The following LRMDA variants were observed in gnomAD, a reference collection of about 807,000 sequenced individuals.
LRMDA encodes the protein leucine-rich melanocyte differentiation-associated protein.
Under a neutral mutation model 29.8 loss-of-function variants are expected in LRMDA, and 18 were observed. The observed-to-expected ratio is 0.60, with a 90% CI of 0.42 to 0.90. LRMDA has a LOEUF of 0.90. Ranked by LOEUF, LRMDA falls within the 40% of genes least tolerant of loss-of-function variation. The pLI is 0.00. For missense variants in LRMDA, 273 were observed against 273.9 expected, an observed-to-expected ratio of 1.00 and a Z score of 0.02; for synonymous variants, 125 against 109.4, an observed-to-expected ratio of 1.14 and a Z score of -0.89.
At chr10:76,250,674 T>C (rs1184566850) in intron 5 of LRMDA, among the ~76,000 whole-genome samples, 1 of 152,194 alleles carries the variant, frequency 6.6e-6, no homozygotes, top group Non-Finnish European at 1.5e-5. Context: ...TTGAATTTGG[T>C]TTCCCCCTTA....
At chr10:76,479,170 C>T (rs1425779453) in intron 6 of LRMDA, among the ~76,000 whole-genome samples, 4 of 151,760 alleles carry the variant, frequency 2.6e-5, no homozygotes, top group African/African-American at 9.7e-5. Context: ...TGGATGCAAT[C>T]CTATATTTGC....
chr10:76,302,370 T>C (rs1447968973), intron 5 of LRMDA, among the ~76,000 whole-genome samples: 1 of 151,860 alleles, frequency 6.6e-6, no homozygotes, highest in Admixed American at 6.6e-5. Context: ...CCCTGGGGGG[T>C]GGTAAGGAGA....
chr10:76,079,570 A>C (rs189612401), intron 5 of LRMDA, among the ~76,000 whole-genome samples: 6 of 152,210 alleles, frequency 3.9e-5, no homozygotes, highest in Non-Finnish European at 8.8e-5. Context: ...CCCACATTAG[A>C]TGGATACCAG....
At chr10:76,265,084 A>G (rs182342485) in intron 5 of LRMDA, among the ~76,000 whole-genome samples, 2 of 152,280 alleles carry the variant, frequency 1.3e-5, no homozygotes, top group East Asian at 1.9e-4. Flanking sequence ...CGAAACTTAT[A>G]TTTGATCCCC....
At chr10:76,249,724 T>A (rs1852439001) in intron 5 of LRMDA, among the ~76,000 whole-genome samples, 1 of 152,238 alleles carries the variant, frequency 6.6e-6, no homozygotes, top group Non-Finnish European at 1.5e-5. Flanking sequence ...TCCAGGTAGA[T>A]CGACTAAAAT....
intron 5 of LRMDA, among the ~76,000 whole-genome samples, chr10:76,081,157 A>G (rs997564870): frequency 5.3e-5 from 8 of 152,198 alleles, no homozygotes; most frequent in African/African-American, 1.2e-4. Context: ...CAGTAGTCAC[A>G]CTTACCACTT....
chr10:76,361,753 C>G lies in LRMDA; in HGVS notation c.601+37268C>G, dbSNP rs544091750. ...AGATGAAGAGATATGTGCCAGAAAC[C>G]TAGAAAATTTAACACTGATGAGGTT... On this transcript the variant is annotated intron_variant, in intron 6 of 6. Coordinates refer to ENST00000611255, the MANE Select transcript of LRMDA (RefSeq NM_001305581.2). 2.6e-5 allele frequency among the ~76,000 whole-genome samples: 4 copies of G among 152,158 alleles called. No individual in the cohort carries two copies. The South Asian group carries it at 8.3e-4, about 32-fold the overall frequency.
chr10:76,436,494 G>A (rs553337392), intron 6 of LRMDA, among the ~76,000 whole-genome samples: 11 of 152,252 alleles, frequency 7.2e-5, no homozygotes, highest in Middle Eastern at 6.8e-3. Context: ...CCTTCTCTAC[G>A]GGTTTCAAAG....
intron 6 of LRMDA, among the ~76,000 whole-genome samples, chr10:76,405,527 A>G (rs925757335): frequency 6.6e-6 from 1 of 152,168 alleles, no homozygotes; most frequent in Non-Finnish European, 1.5e-5. Context: ...TCATTATTTT[A>G]ACCCAAGTAG....
intron 5 of LRMDA, among the ~76,000 whole-genome samples, chr10:76,284,993 T>C (rs1427621351): frequency 6.6e-6 from 1 of 152,150 alleles, no homozygotes; most frequent in Non-Finnish European, 1.5e-5. Context: ...AAGTATGTCT[T>C]TGTTAGCAGT....
At chr10:75,697,416 A>C (rs1842249230) in intron 2 of LRMDA, among the ~76,000 whole-genome samples, 1 of 151,900 alleles carries the variant, frequency 6.6e-6, no homozygotes, top group Non-Finnish European at 1.5e-5. Context: ...AAAACCTTAT[A>C]ATACTTGTTG....
chr10:76,336,898 C>A (rs982819835), intron 6 of LRMDA, among the ~76,000 whole-genome samples: 34 of 152,164 alleles, frequency 2.2e-4, no homozygotes, highest in African/African-American at 8.2e-4. Context: ...ACACAAATTT[C>A]TTTTCTCAAG....
At chr10:75,632,948 T>A (rs951831510) in intron 2 of LRMDA, among the ~76,000 whole-genome samples, 4 of 151,980 alleles carry the variant, frequency 2.6e-5, no homozygotes, top group African/African-American at 9.7e-5. Context: ...TGACAGTGGC[T>A]CCTCCCTGTG....
At chr10:76,471,926 C>T (rs976797221) in intron 6 of LRMDA, among the ~76,000 whole-genome samples, 14 of 151,548 alleles carry the variant, frequency 9.2e-5, no homozygotes, top group Non-Finnish European at 4.4e-5. Context: ...CCAAAATACA[C>T]GAAGGAAAAA....
At chr10:76,382,362 A>G (rs759256709) in intron 6 of LRMDA, among the ~76,000 whole-genome samples, 9 of 152,350 alleles carry the variant, frequency 5.9e-5, no homozygotes, top group East Asian at 1.9e-4. Flanking sequence ...ACAAACCTCG[A>G]TGATTTTCCA....
chr10:75,750,306 C>T (rs994869969), intron 2 of LRMDA, among the ~76,000 whole-genome samples: 1 of 151,570 alleles, frequency 6.6e-6, no homozygotes, highest in Admixed American at 6.6e-5. Context: ...GGCTGCCCCC[C>T]ACCTCCCTCC....
chr10:76,065,443 C>T (rs1325489323), intron 5 of LRMDA, among the ~76,000 whole-genome samples: 2 of 152,224 alleles, frequency 1.3e-5, no homozygotes, highest in African/African-American at 4.8e-5. Context: ...GTAGAGACTA[C>T]TGTCCATGAA....
At chr10:76,406,277 G>C (rs925130604) in intron 6 of LRMDA, among the ~76,000 whole-genome samples, 6 of 152,052 alleles carry the variant, frequency 3.9e-5, no homozygotes, top group Non-Finnish European at 7.4e-5. Flanking sequence ...TCTGTTCTGT[G>C]GCATCTTCAT....
At chr10:75,638,264 T>C (rs1422770803) in intron 2 of LRMDA, among the ~76,000 whole-genome samples, 2 of 152,050 alleles carry the variant, frequency 1.3e-5, no homozygotes, top group Non-Finnish European at 2.9e-5. Flanking sequence ...AGGTTTTCAG[T>C]GGTGTGGGAT....
Sources: gnomAD v4.1 joint callset for allele counts (sites outside exome capture counted in the v4.1 genomes callset) on GRCh38, gnomAD v4.1.1 for gene constraint, MANE v1.5 for transcripts, NCBI Gene and HGNC (gene_info 2026-07-23, HGNC 2026-07-21) for gene names.